PHF20L1: variants seen among roughly 807,000 people sequenced by gnomAD.
PHF20L1 encodes PHD finger protein 20 like 1.
Under a neutral mutation model 125.5 loss-of-function variants are expected in PHF20L1, and 44 were observed. The observed-to-expected ratio is 0.35, with a 90% CI of 0.28 to 0.45. The LOEUF (loss-of-function observed/expected upper bound fraction) is 0.45. Ranked by LOEUF, PHF20L1 falls within the 20% of genes least tolerant of loss-of-function variation. The probability of loss-of-function intolerance (pLI) is 1.00; values close to 1 mark genes in which losing one functional copy is unlikely to be tolerated. For missense variants in PHF20L1, 1,012 were observed against 1,217.2 expected, an observed-to-expected ratio of 0.83 and a Z score of 2.51; for synonymous variants, 380 against 403.1, an observed-to-expected ratio of 0.94 and a Z score of 0.69.
intron 2 of PHF20L1, among the ~76,000 whole-genome samples, chr8:132,781,751 A>G (rs1024739113): frequency 2.0e-5 from 3 of 152,010 alleles, no homozygotes; most frequent in Non-Finnish European, 4.4e-5. Context: ...ATTTATTTTT[A>G]TTTTCAAAGT....
chr8:132,801,856 G>A (rs928710853), intron 6 of PHF20L1, among the ~76,000 whole-genome samples: 2 of 151,608 alleles, frequency 1.3e-5, no homozygotes, highest in African/African-American at 4.8e-5. Context: ...TGATTGAAAA[G>A]CATTTTAAAA....
intron 12 of PHF20L1, among the ~76,000 whole-genome samples, chr8:132,819,269 A>T (rs1835321135): frequency 6.6e-6 from 1 of 151,964 alleles, no homozygotes; most frequent in Admixed American, 6.6e-5. Flanking sequence ...TTTGTGGAAG[A>T]GTAAGGATTA....
At position 132,837,823 on chromosome 8, in the gene PHF20L1, TGTGCCGTGCTGATTGCCAG is replaced by T; in HGVS notation, c.2191+14_2191+32del. ...CCGGGACCCACCAGGTAAGGCTTTC[TGTGCCGTGCTGATTGCCAG>T]GATGCCTCTATGTCTCCTCCAGGAT... On this transcript the variant is annotated intron_variant, in intron 17 of 20. Transcript: ENST00000395386. 1.3e-6 allele frequency: 2 copies of T among 1,585,662 alleles called. No individual in the cohort carries two copies. The highest frequency in any genetic ancestry group is 1.7e-6 in the Non-Finnish European group (2 of 1,155,014).
At chr8:132,783,327 G>C (rs147125764) in intron 2 of PHF20L1, among the ~76,000 whole-genome samples, 15 of 152,278 alleles carry the variant, frequency 9.9e-5, no homozygotes, top group Admixed American at 5.2e-4. Flanking sequence ...TCACACATTT[G>C]AAGTTTTTTG....
intron 8 of PHF20L1, chr8:132,810,475 C>T (rs1834254220): frequency 6.6e-6 from 1 of 151,876 alleles, no homozygotes; most frequent in Admixed American, 6.6e-5. Context: ...TAGGAAAGAC[C>T]CACACTTTTT....
chr8:132,811,196 A>T, intron 9 of PHF20L1, 68 bp downstream of exon 9: 1 of 1,598,030 alleles, frequency 6.3e-7, no homozygotes, highest in South Asian at 1.1e-5. Context: ...TCTAGTATCT[A>T]CGTAATTGAA....
intron 6 of PHF20L1, among the ~76,000 whole-genome samples, chr8:132,802,208 A>G (rs1027341255): frequency 1.3e-5 from 2 of 151,056 alleles, no homozygotes; most frequent in African/African-American, 4.9e-5. Flanking sequence ...CTGAAAGCTC[A>G]ACTTAGCCAT....
Position 132,836,622 on chromosome 8 carries a change from T to A in PHF20L1, c.1992T>A (p.Asp664Glu). 1 of 1,613,048 alleles carries A rather than the reference T, an allele frequency of 6.2e-7. No homozygotes were observed. The highest frequency in any genetic ancestry group is 8.5e-7 in the Non-Finnish European group (1 of 1,179,216). ...LSGDEYNQDF[D>E]STNFEESQDE... ...GGGATGAATACAATCAGGACTTTGA[T>A]TCAACCAATTTTGAGGAATCTCAGG... The change falls in exon 16 of 21, where the codon GAT (aspartate) becomes GAA (glutamate). Residue 664 changes from aspartate to glutamate, a missense_variant. This residue lies in a region of PHF20L1 where 320 missense variants were observed against 293.8 expected (regional missense o/e 1.09). Transcript: ENST00000395386.
intron 12 of PHF20L1, 32 bp from the exon 13 acceptor site, chr8:132,823,972 T>C (rs1835878407): frequency 7.3e-7 from 1 of 1,376,228 alleles, no homozygotes; most frequent in East Asian, 2.3e-5. Flanking sequence ...GTTTTTCTGA[T>C]TAAACTTACA....
chr8:132,781,014 TA>T (rs200978691), intron 2 of PHF20L1, among the ~76,000 whole-genome samples: 2 of 151,630 alleles, frequency 1.3e-5, no homozygotes, highest in African/African-American at 2.4e-5. Context: ...TGGGCTAATT[TA>T]AAAAAAAATT....
chr8:132,833,649 A>T (rs969537934), intron 15 of PHF20L1, among the ~76,000 whole-genome samples: 1 of 152,126 alleles, frequency 6.6e-6, no homozygotes, highest in African/African-American at 2.4e-5. Context: ...ACTGTGAATC[A>T]TCAAGATCTG....
chr8:132,776,291 A>G lies in PHF20L1; in HGVS notation c.-38+646A>G, dbSNP rs150301713. 1.2e-4 allele frequency among the ~76,000 whole-genome samples: 18 copies of G among 152,188 alleles called. No individual in the cohort carries two copies. In the East Asian group the frequency reaches 3.5e-3, roughly 29 times the overall value. On this transcript the variant is annotated intron_variant, in intron 1 of 20. Transcript: ENST00000395386. Reference sequence around the variant, plus strand: ...ATTATACTCATTCAATCCATCACTTAATTATGGGCTCTAAGTTTGATTCTA... The same window carrying G: ...ATTATACTCATTCAATCCATCACTTGATTATGGGCTCTAAGTTTGATTCTA...
chr8:132,776,400 A>G (rs1829769961), intron 1 of PHF20L1, among the ~76,000 whole-genome samples: 1 of 152,218 alleles, frequency 6.6e-6, no homozygotes, highest in African/African-American at 2.4e-5. Flanking sequence ...TTTCTACACA[A>G]ACATTTAAGT....
At position 132,832,247 on chromosome 8, in the gene PHF20L1, A is replaced by G; in HGVS notation, c.1757A>G (p.Tyr586Cys). The change falls in exon 15 of 21, where the codon TAT becomes TGT. Residue 586 changes from tyrosine to cysteine, a missense_variant. Physicochemically the swap from Tyr to Cys is radical, Grantham distance 194. Coordinates refer to ENST00000395386, the MANE Select transcript of PHF20L1 (RefSeq NM_016018.5). The stretch of plus-strand genomic sequence containing the variant: ...TCTTATGTTGCAGACTATTCAGACT[A>G]TGAAGACAGTTCCCTCGAATTTTTG... ...KKSKQHDYSDYEDSSLEFLER... is the reference protein window; with the variant it reads ...KKSKQHDYSDCEDSSLEFLER... The G allele has an allele frequency of 3.2e-6, 5 of 1,586,312 alleles. No individual in the cohort carries two copies. The highest frequency in any genetic ancestry group is 4.3e-6 in the Non-Finnish European group (5 of 1,155,216).
chr8:132,836,679 A>G lies in PHF20L1; in HGVS notation c.2049A>G (p.Arg683=), dbSNP rs763370657. Residue 683 remains arginine, a synonymous_variant, in exon 16 of 21, where the codon CGA becomes CGG. Coordinates refer to ENST00000395386, the MANE Select transcript of PHF20L1 (RefSeq NM_016018.5). The stretch of plus-strand genomic sequence containing the variant: ...ATGATGCTCTTAATGAAATTGTGCG[A>G]TGTATTTGTGAGATGGATGAGGAGA... ...DEDDALNEIV[R]CICEMDEENG... is the part of the protein sequence containing the mutation. 1.2e-6 allele frequency: 2 copies of G among 1,613,176 alleles called. No individual in the cohort carries two copies. The highest frequency in any genetic ancestry group is 4.5e-5 in the East Asian group (2 of 44,818).
chr8:132,836,564 A>G lies in PHF20L1; in HGVS notation c.1934A>G (p.Asp645Gly), dbSNP rs761573045. The G allele has an allele frequency of 1.2e-5, 19 of 1,610,562 alleles. No homozygotes were observed. The South Asian group carries it at 2.0e-4, about 17-fold the overall frequency. Residue 645 changes from aspartate (D) to glycine (G), a missense_variant, in exon 16 of 21, where the codon GAT becomes GGT. Asp to Gly is a moderately conservative substitution (Grantham distance 94, BLOSUM62 -1). Transcript: ENST00000395386. ...GENLSDVDFLDDSSTESLLLS... is the reference protein window; with the variant it reads ...GENLSDVDFLGDSSTESLLLS... ...GACTTATCAGATGTAGACTTCCTAG[A>G]TGATTCTTCAACGGAGAGTTTGCTT... is the stretch of plus-strand genomic sequence containing the variant.
chr8:132,803,421 AT>A (rs534116026), intron 6 of PHF20L1: 427 of 160,062 alleles, frequency 2.7e-3, no homozygotes, highest in African/African-American at 0.01. Flanking sequence ...GCAAGATAGC[AT>A]TTTTCCCTTC....
At chr8:132,780,901 G>C (rs971763024) in intron 2 of PHF20L1, among the ~76,000 whole-genome samples, 2 of 148,984 alleles carry the variant, frequency 1.3e-5, no homozygotes, top group Non-Finnish European at 3.0e-5. Context: ...TGGGAGTGCA[G>C]TGGCGTGATC....
intron 6 of PHF20L1, 42 bp downstream of exon 6, chr8:132,799,214 G>T: frequency 8.5e-7 from 1 of 1,169,652 alleles, no homozygotes; most frequent in Non-Finnish European, 1.2e-6. Flanking sequence ...GTTTTTCCTG[G>T]TATATAATGT....
Sources: gnomAD v4.1 joint callset for allele counts (sites outside exome capture counted in the v4.1 genomes callset) on GRCh38, gnomAD v4.1.1 for gene constraint, gnomAD v4.1.1 regional missense constraint, MANE v1.5 for transcripts, NCBI Gene and HGNC (gene_info 2026-07-23, HGNC 2026-07-21) for gene names.